Variants in APOA4 observed in about 807,000 individuals in gnomAD.
APOA4 encodes apolipoprotein A-IV.
In APOA4, 25 loss-of-function variants were observed where a neutral mutation model predicts 33.6. That is an observed-to-expected ratio of 0.74 (90% CI 0.54 to 1.04). APOA4 has a LOEUF of 1.04. Ranked by LOEUF, APOA4 falls within the 50% of genes least tolerant of loss-of-function variation. The pLI, the probability that APOA4 is intolerant of heterozygous loss-of-function variation, is 0.00. For synonymous variants in APOA4, 228 were observed against 224.0 expected (o/e 1.02, Z -0.16); for missense variants, 549 against 510.4 (o/e 1.08, Z -0.73).
In APOA4 at chr11:116,823,260, A is replaced by G. The variant is rs2134219439; in HGVS notation, c.-69T>C. Reference sequence around the variant, plus strand: ...ATCCTCCCTACAATCAGGGGAGCTGACAGAGAGGTCCTCAGGAGAGCTCAC... The same window carrying G: ...ATCCTCCCTACAATCAGGGGAGCTGGCAGAGAGGTCCTCAGGAGAGCTCAC... On this transcript the variant is annotated 5_prime_UTR_variant, in exon 1 of 3. Coordinates refer to ENST00000357780, the MANE Select transcript of APOA4 (RefSeq NM_000482.4). The G allele has an allele frequency of 2.5e-6, 4 of 1,577,978 alleles. No individual in the cohort carries two copies. The highest frequency in any genetic ancestry group is 1.7e-4 in the Middle Eastern group (1 of 5,978).
chr11:116,822,781 G>A lies in APOA4; in HGVS notation c.54C>T (p.Ala18=). Residue 18 remains alanine (A), a synonymous_variant, in exon 2 of 3, where the codon GCC becomes GCT. Coordinates refer to ENST00000357780, the MANE Select transcript of APOA4 (RefSeq NM_000482.4). ...LTLALVAVAG[A]RAEVSADQVA... The stretch of plus-strand genomic sequence containing the variant: ...CCTGGTCAGCACTGACCTCAGCCCT[G>A]GCTCCTGGGTGGTAACAGAGAGCAA... 6.2e-7 allele frequency: 1 copy of A among 1,614,110 alleles called. No homozygotes were observed. Among genetic ancestry groups the A allele is most frequent in the South Asian group, 1.1e-5 (1 of 91,088 alleles).
chr11:116,821,479 G>T lies in APOA4; in HGVS notation c.579C>A (p.Asn193Lys). Reference protein sequence around the residue: ...ADELKAKIDQNVEELKGRLTP... With the variant: ...ADELKAKIDQKVEELKGRLTP... ...TAAGGCGTCCCTTGAGCTCCTCCAC[G>T]TTCTGGTCGATCTTGGCCTTGAGCT... The change falls in exon 3 of 3, where the codon AAC becomes AAA. Residue 193 changes from asparagine (N) to lysine (K), a missense_variant. Asn to Lys is a moderately conservative substitution (Grantham distance 94). Coordinates refer to ENST00000357780, the MANE Select transcript of APOA4 (RefSeq NM_000482.4). 1.9e-6 allele frequency: 3 copies of T among 1,614,092 alleles called. No individual in the cohort carries two copies. In the East Asian group the frequency reaches 6.7e-5, roughly 36 times the overall value.
chr11:116,822,343 G>A (rs940703965), intron 2 of APOA4, among the ~76,000 whole-genome samples: 1 of 152,076 alleles, frequency 6.6e-6, no homozygotes, highest in Admixed American at 6.5e-5. Context: ...TTCCACTGGG[G>A]CCTGTCTTTC....
chr11:116,822,531 G>A (rs543264065), intron 2 of APOA4, 128 bp downstream of exon 2: 27 of 1,384,912 alleles, frequency 1.9e-5, no homozygotes, highest in East Asian at 1.1e-4. Flanking sequence ...TCAGAGGCCC[G>A]GCCAGTTAGT....
chr11:116,821,738 T>C lies in APOA4; in HGVS notation c.320A>G (p.Glu107Gly), dbSNP rs200871477. ...GGGCAGCAGCCGGGCCCTCAGCTCC[T>C]CCAGCTCCTTCCCAATCTCCTCCTT... The part of the protein sequence containing the change: ...KLKEEIGKEL[E>G]ELRARLLPHA... Residue 107 changes from glutamate to glycine, a missense_variant, in exon 3 of 3, where the codon GAG (glutamate) becomes GGG (glycine). Glu to Gly is a moderately conservative substitution (Grantham distance 98, BLOSUM62 -2). Coordinates refer to ENST00000357780, the MANE Select transcript of APOA4 (RefSeq NM_000482.4). The C allele has an allele frequency of 9.1e-5, 141 of 1,544,458 alleles. No homozygotes were observed. The highest frequency in any genetic ancestry group is 1.1e-5 in the South Asian group (1 of 89,556).
At position 116,821,429 on chromosome 11, in the gene APOA4, A is replaced by T. The variant is rs1038256809; in HGVS notation, c.629T>A (p.Val210Asp). The change falls in exon 3 of 3, where the codon GTC becomes GAC. Residue 210 changes from valine (V) to aspartate (D), a missense_variant. By Grantham distance (152) the Val-to-Asp change is radical. Coordinates refer to ENST00000357780, the MANE Select transcript of APOA4 (RefSeq NM_000482.4). The stretch of plus-strand genomic sequence containing the variant: ...CTCCTCCACGGTCTGGTCAATCTTG[A>T]CTTTGAATTCGTCAGCGTAGGGCGT... ...RLTPYADEFK[V>D]KIDQTVEELR... 3 of 1,613,840 alleles carry T rather than the reference A, an allele frequency of 1.9e-6. No individual in the cohort carries two copies. In the African/African-American group the frequency reaches 4.0e-5, roughly 22 times the overall value.
At position 116,821,739 on chromosome 11, in the gene APOA4, C is replaced by T. The variant is rs771829056; in HGVS notation, c.319G>A (p.Glu107Lys). 3 of 1,547,316 alleles carry T rather than the reference C, an allele frequency of 1.9e-6. No homozygotes were observed. The South Asian group carries it at 3.3e-5, about 17-fold the overall frequency. ...KLKEEIGKEL[E>K]ELRARLLPHA... ...GGCAGCAGCCGGGCCCTCAGCTCCT[C>T]CAGCTCCTTCCCAATCTCCTCCTTC... Residue 107 changes from glutamate to lysine, a missense_variant, in exon 3 of 3, where the codon GAG becomes AAG. Coordinates refer to ENST00000357780, the MANE Select transcript of APOA4 (RefSeq NM_000482.4).
Position 116,820,940 on chromosome 11 carries a change from A to T in APOA4, c.1118T>A (p.Leu373Gln), listed in dbSNP as rs1158882899. 2.5e-6 allele frequency: 4 copies of T among 1,613,224 alleles called. No individual in the cohort carries two copies. The Admixed American group carries it at 6.7e-5, about 27-fold the overall frequency. ...CTGCTGCTGTTCCTGCTGTTGCTCC[A>T]GCTCAGGGAGGGAGAGAGTCTTGTC... ...SQDKTLSLPELEQQQEQQQEQ... is the reference protein window; with the variant it reads ...SQDKTLSLPEQEQQQEQQQEQ... Residue 373 changes from leucine (L) to glutamine (Q), a missense_variant, in exon 3 of 3, where the codon CTG (leucine) becomes CAG (glutamine). Coordinates refer to ENST00000357780, the MANE Select transcript of APOA4 (RefSeq NM_000482.4).
rs1168534123 is a variant in APOA4, at chr11:116,821,534, AGGCTGTC to A, written c.517_523del (p.Asp173CysfsTer5). On this transcript the variant is annotated frameshift_variant, in exon 3 of 3. Transcript: ENST00000357780. LOFTEE classifies it high-confidence loss of function. The stretch of plus-strand genomic sequence containing the variant: ...GGCGTGGGGCCTCAGCGAGGCCTGC[AGGCTGTC>A]GGCGTTCTCCCGCAGCACTCTCTCC... 1 of 1,613,222 alleles carries A rather than the reference AGGCTGTC, an allele frequency of 6.2e-7. No homozygotes were observed. The highest frequency in any genetic ancestry group is 8.5e-7 in the Non-Finnish European group (1 of 1,180,004).
In APOA4 at chr11:116,821,642, G is replaced by T. The variant is rs139762470; in HGVS notation, c.416C>A (p.Ala139Glu). 1.9e-6 allele frequency: 3 copies of T among 1,610,404 alleles called. No homozygotes were observed. In the African/African-American group the frequency reaches 4.0e-5, roughly 22 times the overall value. ...RELQQRLEPY[A>E]DQLRTQVSTQ... Reference sequence around the variant, plus strand: ...GCTGACCTGGGTGCGCAGCTGGTCCGCGTAGGGCTCCAGGCGCTGCTGAAG... The same window carrying T: ...GCTGACCTGGGTGCGCAGCTGGTCCTCGTAGGGCTCCAGGCGCTGCTGAAG... Residue 139 changes from alanine to glutamate, a missense_variant, in exon 3 of 3, where the codon GCG (alanine) becomes GAG (glutamate). Physicochemically the swap from Ala to Glu is moderately radical, Grantham distance 107. Transcript: ENST00000357780.
rs149598646 is a variant in APOA4 at position 116,822,592 on chromosome 11, C to A, written c.176+67G>T. The stretch of plus-strand genomic sequence containing the variant: ...CAGGGCTCCTGTCTCTAAGCTCAAC[C>A]CTTGCCAGTACATTGCATGGCCTTT... On this transcript the variant is annotated intron_variant, in intron 2 of 2. Transcript: ENST00000357780. The A allele has an allele frequency of 7.1e-4, 1,140 of 1,612,808 alleles. 6 individuals carry two copies. In the African/African-American group the frequency reaches 0.013, roughly 19 times the overall value.
Position 116,821,349 on chromosome 11 carries a change from G to A in APOA4, c.709C>T (p.Gln237Ter), listed in dbSNP as rs1179107704. Reference sequence around the variant, plus strand: ...ATCTGGAAGGTCAGGCCCTCAAGCTGGTGGTTGAGCTTCTCCTGCGTGTCC... The same window carrying A: ...ATCTGGAAGGTCAGGCCCTCAAGCTAGTGGTTGAGCTTCTCCTGCGTGTCC... ...AQDTQEKLNH[Q>*]LEGLTFQMKK... Residue 237 changes from glutamine to a stop codon, truncating the protein, a stop_gained, in exon 3 of 3, where the codon CAG (glutamine) becomes TAG (stop). Coordinates refer to ENST00000357780, the MANE Select transcript of APOA4 (RefSeq NM_000482.4). LOFTEE classifies it high-confidence loss of function. The A allele has an allele frequency of 1.2e-6, 2 of 1,614,006 alleles. No individual in the cohort carries two copies. Among genetic ancestry groups the A allele is most frequent in the African/African-American group, 2.7e-5 (2 of 74,936 alleles).
Position 116,823,284 on chromosome 11 carries a change from A to G in APOA4, c.-93T>C, listed in dbSNP as rs1941346299. Reference sequence around the variant, plus strand: ...GACAGAGAGGTCCTCAGGAGAGCTCACCTGCGCTGCAGTGGGAACTGACTG... The same window carrying G: ...GACAGAGAGGTCCTCAGGAGAGCTCGCCTGCGCTGCAGTGGGAACTGACTG... On this transcript the variant is annotated 5_prime_UTR_variant, in exon 1 of 3. Transcript: ENST00000357780. 2.1e-6 allele frequency: 3 copies of G among 1,444,214 alleles called. No homozygotes were observed. In the East Asian group the frequency reaches 6.8e-5, roughly 33 times the overall value. 89.5% of individuals were successfully genotyped at this position (1,444,214 alleles called of 1,614,324 possible).
rs1941331349 is a variant in APOA4 at position 116,821,885 on chromosome 11, TG to T, written c.177-5del. 1 of 1,613,220 alleles carries T rather than the reference TG, an allele frequency of 6.2e-7. No individual in the cohort carries two copies. Among genetic ancestry groups the T allele is most frequent in the South Asian group, 1.1e-5 (1 of 91,076 alleles). On this transcript the variant is annotated splice_polypyrimidine_tract_variant and splice_region_variant and intron_variant, in intron 2 of 2. Transcript: ENST00000357780. ...AAGTTTGTCCTGGAAGAGGGCACTG[TG>T]GGGAAGGGCACAAGGAGGCCACGTT...
Position 116,822,638 on chromosome 11 carries a change from G to A in APOA4, c.176+21C>T, listed in dbSNP as rs5093. 0.03 allele frequency: 48,458 copies of A among 1,613,998 alleles called. 1,554 individuals carry two copies. The highest frequency in any genetic ancestry group is 0.19 in the East Asian group (8,645 of 44,868). ...CCTTTAAGAATTCCCCGTCACCACC[G>A]CACACTGTAGTCCCTCTTACTTGAG... On this transcript the variant is annotated intron_variant, in intron 2 of 2. Coordinates refer to ENST00000357780, the MANE Select transcript of APOA4 (RefSeq NM_000482.4).
intron 2 of APOA4, 135 bp downstream of exon 2, chr11:116,822,524 G>C (rs1941338871): frequency 7.5e-7 from 1 of 1,326,960 alleles, no homozygotes; most frequent in Admixed American, 1.7e-5. Context: ...CCTAGGTTCA[G>C]AGGCCCGGCC....
In APOA4 at chr11:116,820,766, G is replaced by A; in HGVS notation, c.*101C>T. 2 of 1,536,742 alleles carry A rather than the reference G, an allele frequency of 1.3e-6. No homozygotes were observed. Among genetic ancestry groups the A allele is most frequent in the South Asian group, 1.3e-5 (1 of 79,586 alleles). On this transcript the variant is annotated 3_prime_UTR_variant, in exon 3 of 3. Coordinates refer to ENST00000357780, the MANE Select transcript of APOA4 (RefSeq NM_000482.4). The stretch of plus-strand genomic sequence containing the variant: ...TGGTCTCACCTCCCACTGGACATGT[G>A]TCCTCAAGTTCATACCAGAACTTCT...
Position 116,821,542 on chromosome 11 carries a change from G to C in APOA4, c.516C>G (p.Ala172=), listed in dbSNP as rs143451944. ...QRMERVLREN[A]DSLQASLRPH... is the part of the protein sequence containing the mutation. ...GCCTCAGCGAGGCCTGCAGGCTGTC[G>C]GCGTTCTCCCGCAGCACTCTCTCCA... is the stretch of plus-strand genomic sequence containing the variant. Residue 172 remains alanine (A), a synonymous_variant, in exon 3 of 3, where the codon GCC becomes GCG. Coordinates refer to ENST00000357780, the MANE Select transcript of APOA4 (RefSeq NM_000482.4). The C allele has an allele frequency of 1.2e-6, 2 of 1,612,806 alleles. No individual in the cohort carries two copies. Among genetic ancestry groups the C allele is most frequent in the South Asian group, 2.2e-5 (2 of 91,078 alleles).
Position 116,821,136 on chromosome 11 carries a change from C to T in APOA4, c.922G>A (p.Glu308Lys). The change falls in exon 3 of 3, where the codon GAG becomes AAG. Residue 308 changes from glutamate to lysine, a missense_variant. Glu to Lys is a moderately conservative substitution (Grantham distance 56, BLOSUM62 1). Transcript: ENST00000357780. Reference protein sequence around the residue: ...QQVEEFRRRVEPYGENFNKAL... With the variant: ...QQVEEFRRRVKPYGENFNKAL... Reference sequence around the variant, plus strand: ...TTGTTGAAGTTTTCCCCGTAGGGCTCCACCCGGCGTCGGAACTCCTCCACC... The same window carrying T: ...TTGTTGAAGTTTTCCCCGTAGGGCTTCACCCGGCGTCGGAACTCCTCCACC... The T allele has an allele frequency of 6.2e-7, 1 of 1,613,770 alleles. No homozygotes were observed. The highest frequency in any genetic ancestry group is 8.5e-7 in the Non-Finnish European group (1 of 1,180,048).
Sources: gnomAD v4.1 joint callset for allele counts (sites outside exome capture counted in the v4.1 genomes callset) on GRCh38, gnomAD v4.1.1 for gene constraint, MANE v1.5 for transcripts, NCBI Gene and HGNC (gene_info 2026-07-23, HGNC 2026-07-21) for gene names.